CFAP77: variants seen among roughly 807,000 people sequenced by gnomAD.
The protein encoded by CFAP77 is cilia and flagella associated protein 77.
In CFAP77, 25 loss-of-function variants were observed where a neutral mutation model predicts 31.1. The observed-to-expected ratio is 0.80, with a 90% CI of 0.59 to 1.12. CFAP77 has a LOEUF of 1.12. Ranked by LOEUF, CFAP77 falls within the 50% of genes most tolerant of loss-of-function variation. The probability of loss-of-function intolerance (pLI) is 0.00; values close to 1 mark genes in which losing one functional copy is unlikely to be tolerated. For synonymous variants in CFAP77, 151 were observed against 159.9 expected (o/e 0.94, Z 0.42); for missense variants, 377 against 397.3 (o/e 0.95, Z 0.44).
rs1421183221 is a variant in CFAP77, at chr9:132,490,990, TGTGA to T, written c.196-7699_196-7696del. On this transcript the variant is annotated intron_variant, in intron 1 of 5. Coordinates refer to ENST00000393216, the MANE Select transcript of CFAP77 (RefSeq NM_001282957.2). The surrounding 1 kb of genome is among the most constrained non-coding windows in gnomAD (Gnocchi z 4.6). The stretch of plus-strand genomic sequence containing the variant: ...GAACTGGTGTGTCTAATGGTCCCAG[TGTGA>T]GTGAGCATGGGTGTGTGTGTGGGTG... Among the ~76,000 whole-genome samples the T allele has an allele frequency of 6.6e-6, 1 of 152,022 alleles. No homozygotes were observed. Among genetic ancestry groups the T allele is most frequent in the Admixed American group, 6.6e-5 (1 of 15,252 alleles).
Position 132,570,431 on chromosome 9 carries a change from T to C in CFAP77, c.733-1957T>C, listed in dbSNP as rs1350463569. Among the ~76,000 whole-genome samples, 13 of 152,108 alleles carry C rather than the reference T, an allele frequency of 8.5e-5. No individual in the cohort carries two copies. The East Asian group carries it at 2.3e-3, about 27-fold the overall frequency. On this transcript the variant is annotated intron_variant, in intron 5 of 5. Coordinates refer to ENST00000393216, the MANE Select transcript of CFAP77 (RefSeq NM_001282957.2). The stretch of plus-strand genomic sequence containing the variant: ...GCGATTCTGAGGCAAAACCAAAAAA[T>C]CTGAAACCCGAGGCTGGGGCTGGGA...
At position 132,455,757 on chromosome 9, in the gene CFAP77, C is replaced by T. The variant is rs1269880477; in HGVS notation, c.196-42938C>T. The stretch of plus-strand genomic sequence containing the variant: ...AACAAAACAAAACAAAAAAGCAAAA[C>T]GAACCCCAAATGTCTCTCCACTCAG... On this transcript the variant is annotated intron_variant, in intron 1 of 5. Transcript: ENST00000393216. The surrounding 1 kb of genome is among the most constrained non-coding windows in gnomAD (Gnocchi z 4.1). Among the ~76,000 whole-genome samples the T allele has an allele frequency of 2.0e-5, 3 of 151,866 alleles. No homozygotes were observed. The highest frequency in any genetic ancestry group is 4.4e-5 in the Non-Finnish European group (3 of 67,958).
chr9:132,433,971 TAAAAAA>T (rs1229342874), intron 1 of CFAP77, among the ~76,000 whole-genome samples: 1 of 129,934 alleles, frequency 7.7e-6, no homozygotes, highest in East Asian at 2.2e-4. Context: ...ACCCCATGTG[TAAAAAA>T]AAAAAAAAAA....
In CFAP77 at chr9:132,481,047, A is replaced by G. The variant is rs1019668488; in HGVS notation, c.196-17648A>G. The stretch of plus-strand genomic sequence containing the variant: ...GCACCAAACAAAATCTTACACATCC[A>G]GTTGCTTTAAAATATCTCCAACAAG... On this transcript the variant is annotated intron_variant, in intron 1 of 5. Coordinates refer to ENST00000393216, the MANE Select transcript of CFAP77 (RefSeq NM_001282957.2). This position sits in a 1 kb window ranked among gnomAD's most constrained non-coding sequence, Gnocchi z 5.0. Among the ~76,000 whole-genome samples, 1 of 152,128 alleles carries G rather than the reference A, an allele frequency of 6.6e-6. No individual in the cohort carries two copies. Among genetic ancestry groups the G allele is most frequent in the Non-Finnish European group, 1.5e-5 (1 of 68,010 alleles).
intron 3 of CFAP77, chr9:132,513,474 G>A: frequency 1.6e-6 from 2 of 1,225,576 alleles, no homozygotes; most frequent in African/African-American, 1.5e-5. Context: ...CCCTCCCGAG[G>A]TTGGAGCACG....
rs200797791 is a variant in CFAP77 at position 132,439,871 on chromosome 9, G to A, written c.195+29405G>A. Among the ~76,000 whole-genome samples, 121 of 134,618 alleles carry A rather than the reference G, an allele frequency of 9.0e-4. 1 individual carries two copies. Among genetic ancestry groups the A allele is most frequent in the South Asian group, 7.3e-3 (30 of 4,118 alleles). 88.3% of individuals were successfully genotyped at this position (134,618 alleles called of 152,430 possible). A position where few individuals can be genotyped will look rare whatever the true frequency, so the allele number is the denominator to read the frequency against. ...CTCAAAAAAAAAAAAAAAAAAAAAA[G>A]ATGCTCTAATCTACCTGTCCAGAGC... On this transcript the variant is annotated intron_variant, in intron 1 of 5. Coordinates refer to ENST00000393216, the MANE Select transcript of CFAP77 (RefSeq NM_001282957.2).
intron 5 of CFAP77, among the ~76,000 whole-genome samples, chr9:132,544,669 G>A (rs546867785): frequency 6.6e-6 from 1 of 151,794 alleles, no homozygotes; most frequent in East Asian, 1.9e-4. Flanking sequence ...TGATTTTTGT[G>A]TTTTTTTGCA....
At chr9:132,415,129 A>G (rs983642519) in intron 1 of CFAP77, among the ~76,000 whole-genome samples, 2 of 152,218 alleles carry the variant, frequency 1.3e-5, no homozygotes, top group Non-Finnish European at 2.9e-5. Context: ...ACAATGTAAT[A>G]GGAGAAAATA....
intron 1 of CFAP77, among the ~76,000 whole-genome samples, chr9:132,462,204 C>T (rs530467): frequency 0.13 from 19,289 of 152,030 alleles, 1,389 homozygotes; most frequent in East Asian, 0.36. Context: ...TCCCCTGGGA[C>T]GGAGGGAAGA....
chr9:132,466,382 G>A (rs62578578), intron 1 of CFAP77, among the ~76,000 whole-genome samples: 1,987 of 152,286 alleles, frequency 0.013, 17 homozygotes, highest in Non-Finnish European at 0.021. Flanking sequence ...GCAGTTAGCA[G>A]GATTGTGTCT....
At chr9:132,561,640 CACACACACACACACACACACA>C (rs1829809295) in intron 5 of CFAP77, among the ~76,000 whole-genome samples, 1 of 120,312 alleles carries the variant, frequency 8.3e-6, no homozygotes, top group African/African-American at 4.5e-5. Context: ...CACACACACA[CACACACACACACACACACACA>C]CCCCCTCCAT....
At chr9:132,493,382 A>G (rs1851681726) in intron 1 of CFAP77, among the ~76,000 whole-genome samples, 1 of 152,202 alleles carries the variant, frequency 6.6e-6, no homozygotes, top group Non-Finnish European at 1.5e-5. Flanking sequence ...CAGAGAATGC[A>G]TTTGGAAAAA....
intron 1 of CFAP77, among the ~76,000 whole-genome samples, chr9:132,494,526 A>G (rs1851707931): frequency 6.6e-6 from 1 of 152,242 alleles, no homozygotes; most frequent in Non-Finnish European, 1.5e-5. Context: ...GTTGGCTATC[A>G]TGAATTGAGC....
In CFAP77 at chr9:132,495,938, C is replaced by T. The variant is rs1851734497; in HGVS notation, c.196-2757C>T. Among the ~76,000 whole-genome samples, 5 of 152,206 alleles carry T rather than the reference C, an allele frequency of 3.3e-5. No individual in the cohort carries two copies. The South Asian group carries it at 8.3e-4, about 25-fold the overall frequency. ...CTGTTGGTGTCTAGATCTTGGACTT[C>T]CCAGCCTCCAGAACTTTGAGAAATA... On this transcript the variant is annotated intron_variant, in intron 1 of 5. Transcript: ENST00000393216. This position sits in a 1 kb window ranked among gnomAD's most constrained non-coding sequence, Gnocchi z 4.2.
chr9:132,566,173 A>G (rs1325190245), intron 5 of CFAP77, among the ~76,000 whole-genome samples: 1 of 151,948 alleles, frequency 6.6e-6, no homozygotes, highest in East Asian at 1.9e-4. Flanking sequence ...CTGCTTGGAG[A>G]GGGGGGAGCG....
intron 1 of CFAP77, among the ~76,000 whole-genome samples, chr9:132,447,529 CA>C (rs1850746638): frequency 6.6e-6 from 1 of 152,190 alleles, no homozygotes; most frequent in Non-Finnish European, 1.5e-5. Context: ...CTCCTGCCAC[CA>C]GGAGCGCGTG....
chr9:132,536,595 T>C (rs943833385), intron 3 of CFAP77, among the ~76,000 whole-genome samples: 5 of 152,168 alleles, frequency 3.3e-5, no homozygotes, highest in Non-Finnish European at 7.3e-5. Context: ...GGCTTCACCA[T>C]GTTGGCCAGG....
chr9:132,532,819 C>T (rs1457446154), intron 3 of CFAP77, among the ~76,000 whole-genome samples: 1 of 152,142 alleles, frequency 6.6e-6, no homozygotes. Context: ...GAGGCAGAGG[C>T]AGGAGGATCA....
intron 3 of CFAP77, among the ~76,000 whole-genome samples, chr9:132,529,662 T>G (rs1426278456): frequency 6.6e-6 from 1 of 151,522 alleles, no homozygotes; most frequent in Non-Finnish European, 1.5e-5. Flanking sequence ...CCGTCTCTAC[T>G]AAAAATGCAA....
Sources: allele counts gnomAD v4.1 joint callset (sites outside exome capture counted in the v4.1 genomes callset), GRCh38; gene constraint gnomAD v4.1.1; non-coding constraint Gnocchi (gnomAD v3.1); transcripts MANE v1.5; gene names NCBI Gene and HGNC (gene_info 2026-07-23, HGNC 2026-07-21).